The following MEDAG variants were observed in gnomAD, a reference collection of about 807,000 sequenced individuals.
The protein encoded by MEDAG is mesenteric estrogen dependent adipogenesis, also known as mesenteric estrogen-dependent adipogenesis protein.
In MEDAG, 25 loss-of-function variants were observed where a neutral mutation model predicts 29.9. That is an observed-to-expected ratio of 0.84 (90% CI 0.61 to 1.17). MEDAG has a LOEUF of 1.17. Ranked by LOEUF, MEDAG falls within the 50% of genes most tolerant of loss-of-function variation. The pLI is 0.00. For missense variants in MEDAG, 398 were observed against 372.9 expected, an observed-to-expected ratio of 1.07 and a Z score of -0.56; for synonymous variants, 158 against 148.2, an observed-to-expected ratio of 1.07 and a Z score of -0.48.
intron 1 of MEDAG, among the ~76,000 whole-genome samples, chr13:30,910,630 C>A (rs1235275779): frequency 6.6e-6 from 1 of 152,204 alleles, no homozygotes; most frequent in Non-Finnish European, 1.5e-5. Context: ...TCAGCTAGTG[C>A]ACATTTTGTA....
chr13:30,921,425 C>T, intron 3 of MEDAG, 136 bp from the exon 4 acceptor site: 2 of 880,672 alleles, frequency 2.3e-6, no homozygotes, highest in Non-Finnish European at 3.4e-6. Context: ...ATAAAGACAA[C>T]AGTTTAAAAA....
At chr13:30,914,074 A>G (rs1952905373) in intron 1 of MEDAG, among the ~76,000 whole-genome samples, 1 of 152,204 alleles carries the variant, frequency 6.6e-6, no homozygotes. Context: ...CAAACAAAGA[A>G]GATCAAATAA....
chr13:30,911,685 G>A (rs78077494), intron 1 of MEDAG, among the ~76,000 whole-genome samples: 5,106 of 152,198 alleles, frequency 0.034, 298 homozygotes, highest in African/African-American at 0.12. Flanking sequence ...GCCTGGACAC[G>A]TGAATACAGA....
intron 3 of MEDAG, 68 bp from the exon 4 acceptor site, chr13:30,921,493 G>A (rs1952984408): frequency 1.4e-6 from 2 of 1,422,618 alleles, no homozygotes; most frequent in African/African-American, 2.9e-5. Flanking sequence ...TTAGGCGGTT[G>A]TTAGTTCTAC....
intron 1 of MEDAG, chr13:30,916,845 T>C (rs1232678845): frequency 1.3e-5 from 2 of 152,222 alleles, no homozygotes; most frequent in Non-Finnish European, 2.9e-5. Context: ...CCAACATCAG[T>C]TGTTTTCGTT....
chr13:30,906,395 C>T lies in MEDAG; in HGVS notation c.-121C>T. The T allele has an allele frequency of 8.9e-7, 1 of 1,124,214 alleles. No individual in the cohort carries two copies. The highest frequency in any genetic ancestry group is 3.2e-5 in the East Asian group (1 of 31,400). The allele number at this position is 1,124,214 out of a possible 1,614,324, so 69.6% of individuals were successfully genotyped here. A position where few individuals can be genotyped will look rare whatever the true frequency, so the allele number is the denominator to read the frequency against. ...GCCAGGCGGGCAGACCGACCCCCTCCTCACCTCGCGCGCGGCTGACGCAGG... is the reference window on the plus strand; with the variant it reads ...GCCAGGCGGGCAGACCGACCCCCTCTTCACCTCGCGCGCGGCTGACGCAGG... On this transcript the variant is annotated 5_prime_UTR_variant, in exon 1 of 5. Transcript: ENST00000380482.
intron 1 of MEDAG, among the ~76,000 whole-genome samples, chr13:30,907,778 C>A (rs1020877864): frequency 1.3e-5 from 2 of 152,220 alleles, no homozygotes; most frequent in South Asian, 2.1e-4. Context: ...GGAAAGACAG[C>A]GTGCTGTGGC....
At chr13:30,911,128 AACT>A (rs1313229692) in intron 1 of MEDAG, among the ~76,000 whole-genome samples, 1 of 152,204 alleles carries the variant, frequency 6.6e-6, no homozygotes, top group Non-Finnish European at 1.5e-5. Flanking sequence ...CCATTTCCTC[AACT>A]ATAAAGTGGG....
At chr13:30,918,405 A>G (rs751209204) in intron 2 of MEDAG, among the ~76,000 whole-genome samples, 9 of 152,196 alleles carry the variant, frequency 5.9e-5, no homozygotes, top group Non-Finnish European at 1.3e-4. Flanking sequence ...CACTATTCCC[A>G]TTTTATAGAT....
chr13:30,908,563 C>T (rs960760343), intron 1 of MEDAG, among the ~76,000 whole-genome samples: 2 of 152,104 alleles, frequency 1.3e-5, no homozygotes, highest in Non-Finnish European at 2.9e-5. Context: ...AGGTTCTGCC[C>T]TCGGGAATCA....
In MEDAG at chr13:30,916,930, A is replaced by C. The variant is rs79174323; in HGVS notation, c.279-473A>C. Among the ~76,000 whole-genome samples, 1,242 of 152,292 alleles carry C rather than the reference A, an allele frequency of 8.2e-3. 26 individuals carry two copies. Among genetic ancestry groups the C allele is most frequent in the African/African-American group, 0.029 (1,193 of 41,550 alleles). On this transcript the variant is annotated intron_variant, in intron 1 of 4. Coordinates refer to ENST00000380482, the MANE Select transcript of MEDAG (RefSeq NM_032849.4). ...CATATGAATATTGGTTGATTCTGTAATCTATGGAGGGGGCTGGTTTATCTT... is the reference window on the plus strand; with the variant it reads ...CATATGAATATTGGTTGATTCTGTACTCTATGGAGGGGGCTGGTTTATCTT...
chr13:30,915,624 T>C (rs74043596), intron 1 of MEDAG, among the ~76,000 whole-genome samples: 133 of 152,066 alleles, frequency 8.7e-4, no homozygotes, highest in African/African-American at 3.0e-3. Context: ...GGCAGGAAAA[T>C]TCTCTCCCAG....
intron 1 of MEDAG, among the ~76,000 whole-genome samples, chr13:30,912,235 T>G (rs1212942490): frequency 6.6e-6 from 1 of 152,196 alleles, no homozygotes; most frequent in South Asian, 2.1e-4. Context: ...CTAAAAATTT[T>G]GCTTTATTTC....
chr13:30,917,701 A>T (rs117860465), intron 2 of MEDAG, among the ~76,000 whole-genome samples, 189 bp downstream of exon 2: 5 of 152,246 alleles, frequency 3.3e-5, no homozygotes, highest in Admixed American at 6.5e-5. Context: ...TCTTACATGG[A>T]GCAGGGGGAA....
At chr13:30,921,918 G>C (rs1952991042) in intron 4 of MEDAG, 72 bp downstream of exon 4, 1 of 1,460,424 alleles carries the variant, frequency 6.8e-7, no homozygotes, top group African/African-American at 1.4e-5. Flanking sequence ...ATGGAAGAGA[G>C]TCAATTGATT....
In MEDAG at chr13:30,917,335, A is replaced by C. The variant is rs545453987; in HGVS notation, c.279-68A>C. The stretch of plus-strand genomic sequence containing the variant: ...CTGTGGCTGTGGCAGATACCTGTCC[A>C]GTACATCCCCTTCCTAATTTAGATG... On this transcript the variant is annotated intron_variant, in intron 1 of 4. Transcript: ENST00000380482. 1.5e-5 allele frequency: 14 copies of C among 947,264 alleles called. No individual in the cohort carries two copies. In the South Asian group the frequency reaches 1.7e-4, roughly 11 times the overall value. 58.7% of individuals were successfully genotyped at this position (947,264 alleles called of 1,614,324 possible).
chr13:30,910,473 C>T (rs1000442227), intron 1 of MEDAG, among the ~76,000 whole-genome samples: 4 of 152,212 alleles, frequency 2.6e-5, no homozygotes, highest in Non-Finnish European at 5.9e-5. Context: ...AGCATTAGGA[C>T]TCAGAGCTTA....
chr13:30,917,518 T>C lies in MEDAG; in HGVS notation c.388+6T>C. ...CAAAAAAGACACCTCAAAAGGTAAG[T>C]ATCTATATTAGTCCATTTTCACACT... On this transcript the variant is annotated splice_donor_region_variant and intron_variant, in intron 2 of 4. Transcript: ENST00000380482. 6.9e-7 allele frequency: 1 copy of C among 1,443,020 alleles called. No homozygotes were observed. Among genetic ancestry groups the C allele is most frequent in the Non-Finnish European group, 9.7e-7 (1 of 1,027,346 alleles). The allele number at this position is 1,443,020 out of a possible 1,614,324, so 89.4% of individuals were successfully genotyped here.
chr13:30,924,540 C>A lies in MEDAG; in HGVS notation c.*105C>A. On this transcript the variant is annotated 3_prime_UTR_variant, in exon 5 of 5. Coordinates refer to ENST00000380482, the MANE Select transcript of MEDAG (RefSeq NM_032849.4). ...GAGGCAGATACTTCCACCTGCGTGT[C>A]AATCTCCGGCTCCTCCATGGCTTCT... 1 of 1,189,618 alleles carries A rather than the reference C, an allele frequency of 8.4e-7. No individual in the cohort carries two copies. The highest frequency in any genetic ancestry group is 1.6e-5 in the South Asian group (1 of 62,736). The allele number at this position is 1,189,618 out of a possible 1,614,324, so 73.7% of individuals were successfully genotyped here.
Sources: allele counts gnomAD v4.1 joint callset (sites outside exome capture counted in the v4.1 genomes callset), GRCh38; gene constraint gnomAD v4.1.1; transcripts MANE v1.5; gene names NCBI Gene and HGNC (gene_info 2026-07-23, HGNC 2026-07-21).